The following SPAST variants were observed in gnomAD, a reference collection of about 807,000 sequenced individuals.
SPAST encodes spastic paraplegia 4 (autosomal dominant; spastin).
In SPAST, 30 loss-of-function variants were observed where a neutral mutation model predicts 76.6. The ratio of observed to expected loss-of-function variants is 0.39; its 90% CI spans 0.29 to 0.53. The LOEUF (loss-of-function observed/expected upper bound fraction) is 0.53, where lower values mean the gene tolerates loss of function less well. Ranked by LOEUF, SPAST falls within the 20% of genes least tolerant of loss-of-function variation. The pLI, the probability that SPAST is intolerant of heterozygous loss-of-function variation, is 0.68. For synonymous variants in SPAST, 305 were observed against 281.0 expected (o/e 1.09, Z -0.86); for missense variants, 717 against 770.5 (o/e 0.93, Z 0.82).
At chr2:32,082,005 C>T (rs1211112713) in intron 1 of SPAST, among the ~76,000 whole-genome samples, 1 of 71,248 alleles carries the variant, frequency 1.4e-5, no homozygotes, top group Non-Finnish European at 2.6e-5. Flanking sequence ...AGTTCTCTCT[C>T]TTTTTTTTTT....
intron 2 of SPAST, among the ~76,000 whole-genome samples, chr2:32,088,851 C>T (rs1393967147): frequency 6.6e-6 from 1 of 152,046 alleles, no homozygotes; most frequent in Non-Finnish European, 1.5e-5. Flanking sequence ...CAAATTGGTG[C>T]ATGCATGGGC....
rs766958052 is a variant in SPAST at position 32,063,953 on chromosome 2, C to T, written c.122C>T (p.Pro41Leu). Residue 41 changes from proline to leucine, a missense_variant, in exon 1 of 17, where the codon CCG becomes CTG. Transcript: ENST00000315285. ...CCTCCCGCCGCCGGGCCGGCCCCTC[C>T]GCCCGAGTCGCCGCATAAGCGGAAC... ...PAPPAAGPAP[P>L]PESPHKRNLY... 3 of 1,610,996 alleles carry T rather than the reference C, an allele frequency of 1.9e-6. No individual in the cohort carries two copies. The South Asian group carries it at 3.3e-5, about 18-fold the overall frequency.
chr2:32,127,209 C>T (rs1165392855), intron 8 of SPAST, 187 bp downstream of exon 8: 1 of 583,500 alleles, frequency 1.7e-6, no homozygotes, highest in Non-Finnish European at 3.1e-6. Flanking sequence ...CCTCCGCCTC[C>T]TGGGTTCAAG....
intron 16 of SPAST, among the ~76,000 whole-genome samples, chr2:32,152,770 CAG>C (rs1177618455): frequency 1.3e-5 from 2 of 150,338 alleles, no homozygotes. Flanking sequence ...TTTTTTGAGA[CAG>C]GGTATCACTC....
chr2:32,105,030 A>G (rs1159383363), intron 4 of SPAST, among the ~76,000 whole-genome samples: 1 of 152,156 alleles, frequency 6.6e-6, no homozygotes. Flanking sequence ...TCTCCTGGAT[A>G]ATATCCTGCA....
chr2:32,098,762 A>G (rs762320639), intron 3 of SPAST, 34 bp from the exon 4 acceptor site: 3 of 1,380,118 alleles, frequency 2.2e-6, no homozygotes, highest in East Asian at 2.3e-5. Flanking sequence ...CTTTTTGTTT[A>G]TTTTTTCTGT....
chr2:32,112,384 G>C (rs1573113660), intron 4 of SPAST, among the ~76,000 whole-genome samples: 1 of 134,228 alleles, frequency 7.5e-6, no homozygotes, highest in Admixed American at 8.3e-5. Flanking sequence ...GTCTCACTCT[G>C]TTGCCCAGGC....
chr2:32,069,858 C>T (rs1676678153), intron 1 of SPAST, among the ~76,000 whole-genome samples: 1 of 151,944 alleles, frequency 6.6e-6, no homozygotes, highest in Non-Finnish European at 1.5e-5. Flanking sequence ...TGCGCCTGGC[C>T]TACTTATCTT....
chr2:32,145,799 C>G (rs1416090011), intron 15 of SPAST, among the ~76,000 whole-genome samples: 1 of 152,192 alleles, frequency 6.6e-6, no homozygotes, highest in Non-Finnish European at 1.5e-5. Flanking sequence ...TTTCCACAGC[C>G]AGCATCGGTA....
intron 3 of SPAST, among the ~76,000 whole-genome samples, chr2:32,097,592 T>A (rs1677966498): frequency 6.6e-6 from 1 of 152,198 alleles, no homozygotes; most frequent in South Asian, 2.1e-4. Flanking sequence ...CTGACATATG[T>A]TAATGTGGCC....
At chr2:32,096,558 C>G (rs1677922576) in intron 3 of SPAST, among the ~76,000 whole-genome samples, 1 of 152,188 alleles carries the variant, frequency 6.6e-6, no homozygotes, top group Non-Finnish European at 1.5e-5. Context: ...AAGCAATGTA[C>G]TGTTACACTG....
chr2:32,116,321 A>G (rs1678833480), intron 7 of SPAST, 109 bp downstream of exon 7: 1 of 733,970 alleles, frequency 1.4e-6, no homozygotes. Context: ...TAATTCATAT[A>G]AGGTAACAAT....
chr2:32,117,002 T>G (rs1678859424), intron 7 of SPAST, among the ~76,000 whole-genome samples: 1 of 151,744 alleles, frequency 6.6e-6, no homozygotes, highest in Non-Finnish European at 1.5e-5. Flanking sequence ...AGTTCACGCC[T>G]GTAATCCCAG....
At position 32,154,496 on chromosome 2, in the gene SPAST, A is replaced by G; in HGVS notation, c.1851A>G (p.Ter617=). The G allele has an allele frequency of 6.2e-7, 1 of 1,613,858 alleles. No homozygotes were observed. Among genetic ancestry groups the G allele is most frequent in the Non-Finnish European group, 8.5e-7 (1 of 1,179,780 alleles). ...AGGACTTTGGAGATACCACTGTTTA[A>G]GGAAATACCTTTGTAAACCTGCAGA... The part of the protein sequence containing the change: ...WNKDFGDTTV[*] Residue 617 remains the stop codon, a stop_retained_variant, in exon 17 of 17, where the codon TAA becomes TAG. Coordinates refer to ENST00000315285, the MANE Select transcript of SPAST (RefSeq NM_014946.4).
chr2:32,095,559 C>T (rs1677884094), intron 3 of SPAST, among the ~76,000 whole-genome samples: 1 of 150,072 alleles, frequency 6.7e-6, no homozygotes, highest in Non-Finnish European at 1.5e-5. Flanking sequence ...TACTGAGACC[C>T]CATGTCTAAA....
At chr2:32,089,399 T>A in intron 2 of SPAST, 123 bp from the exon 3 acceptor site, 1 of 617,404 alleles carries the variant, frequency 1.6e-6, no homozygotes, top group South Asian at 1.8e-5. Flanking sequence ...TTTCTTCTTT[T>A]TTTTAAAAAA....
At chr2:32,147,344 G>GTGTGTGTGTGTGTGTGT in intron 16 of SPAST, 86 bp downstream of exon 16, 1 of 266,514 alleles carries the variant, frequency 3.8e-6, no homozygotes, top group Non-Finnish European at 6.0e-6. Context: ...GTGTGTGTGT[G>GTGTGTGTGTGTGTGTGT]GTTTTTTTTT....
intron 1 of SPAST, among the ~76,000 whole-genome samples, chr2:32,071,065 G>C (rs78871913): frequency 0.019 from 2,942 of 152,310 alleles, 55 homozygotes; most frequent in Middle Eastern, 0.048. Flanking sequence ...GAAAAGAGAA[G>C]GTTGTAATAA....
intron 7 of SPAST, among the ~76,000 whole-genome samples, chr2:32,125,829 C>G (rs1474191669): frequency 6.6e-6 from 1 of 152,038 alleles, no homozygotes; most frequent in Non-Finnish European, 1.5e-5. Context: ...GAGTTTTGCT[C>G]TGTCGCCCGG....
Sources: gnomAD v4.1 joint callset for allele counts (sites outside exome capture counted in the v4.1 genomes callset) on GRCh38, gnomAD v4.1.1 for gene constraint, MANE v1.5 for transcripts, NCBI Gene and HGNC (gene_info 2026-07-23, HGNC 2026-07-21) for gene names.